INSR: variants seen among roughly 807,000 people sequenced by gnomAD.
INSR encodes the protein IR.
INSR carries 67 observed loss-of-function variants against 142.6 expected under a neutral mutation model. The observed-to-expected ratio is 0.47, with a 90% confidence interval of 0.39 to 0.58. The LOEUF (loss-of-function observed/expected upper bound fraction) is 0.58, where lower values mean the gene tolerates loss of function less well. INSR is among the 20% of genes least tolerant of loss of function. INSR has a pLI of 0.00. For missense variants in INSR, 1,248 were observed against 1,833.2 expected (o/e 0.68, Z 5.83); for synonymous variants, 756 against 743.1 (o/e 1.02, Z -0.28).
At chr19:7,250,586 G>A in intron 2 of INSR, among the ~76,000 whole-genome samples, 2 of 117,424 alleles carry the variant, frequency 1.7e-5, no homozygotes, top group South Asian at 3.3e-4. Context: ...AGGAGGGAGG[G>A]AAGGAAGGAA....
At chr19:7,220,362 C>T (rs1167270985) in intron 2 of INSR, among the ~76,000 whole-genome samples, 1 of 152,198 alleles carries the variant, frequency 6.6e-6, no homozygotes, top group Non-Finnish European at 1.5e-5. Flanking sequence ...GCGATCTTGG[C>T]TCACTGCAAC....
At chr19:7,135,959 C>T (rs1972912773) in intron 13 of INSR, among the ~76,000 whole-genome samples, 1 of 114,450 alleles carries the variant, frequency 8.7e-6, no homozygotes, top group African/African-American at 4.4e-5. Context: ...CAGAGATAGA[C>T]TCCATCTCAA....
At chr19:7,118,840 G>A (rs766752397) in intron 21 of INSR, among the ~76,000 whole-genome samples, 40 of 148,114 alleles carry the variant, frequency 2.7e-4, no homozygotes, top group Non-Finnish European at 4.6e-4. Flanking sequence ...GTGTGAACCC[G>A]GGAGGCGGAG....
At chr19:7,255,905 C>T (rs993063818) in intron 2 of INSR, among the ~76,000 whole-genome samples, 1 of 151,858 alleles carries the variant, frequency 6.6e-6, no homozygotes, top group African/African-American at 2.4e-5. Context: ...TGATCCTTGC[C>T]ACCCAAACCA....
chr19:7,137,336 G>C (rs973349824), intron 13 of INSR, among the ~76,000 whole-genome samples: 13 of 151,986 alleles, frequency 8.6e-5, no homozygotes, highest in African/African-American at 3.1e-4. Flanking sequence ...CACATGATTG[G>C]GCACTGGATG....
chr19:7,154,575 T>A (rs997288123), intron 9 of INSR, among the ~76,000 whole-genome samples: 2 of 150,032 alleles, frequency 1.3e-5, no homozygotes, highest in African/African-American at 4.9e-5. Flanking sequence ...GTGCTGGGAT[T>A]ACAGGCGTGA....
intron 2 of INSR, among the ~76,000 whole-genome samples, chr19:7,266,993 G>T (rs1310342388): frequency 6.6e-6 from 1 of 152,032 alleles, no homozygotes; most frequent in Non-Finnish European, 1.5e-5. Flanking sequence ...AGCACAGGCG[G>T]TGGCAAACTG....
At chr19:7,170,435 G>A (rs1379522059) in intron 6 of INSR, 102 bp downstream of exon 6, 37 of 829,700 alleles carry the variant, frequency 4.5e-5, no homozygotes. Flanking sequence ...TAATGCACTT[G>A]AATCATGCTG....
At chr19:7,231,200 G>A (rs534899550) in intron 2 of INSR, among the ~76,000 whole-genome samples, 1 of 152,216 alleles carries the variant, frequency 6.6e-6, no homozygotes, top group African/African-American at 2.4e-5. Flanking sequence ...TCAGCAAAGA[G>A]GGGGGAAGAA....
At chr19:7,213,603 G>T (rs147296323) in intron 2 of INSR, among the ~76,000 whole-genome samples, 6 of 152,164 alleles carry the variant, frequency 3.9e-5, no homozygotes, top group Admixed American at 3.9e-4. Flanking sequence ...GTGCATGAGC[G>T]CCTCTAATTG....
rs145575961 is a variant in INSR, at chr19:7,208,918, G to A, written c.653-24281C>T. 6.6e-5 allele frequency among the ~76,000 whole-genome samples: 10 copies of A among 152,240 alleles called. No individual in the cohort carries two copies. In the East Asian group the frequency reaches 7.7e-4, roughly 12 times the overall value. On this transcript the variant is annotated intron_variant, in intron 2 of 21. Transcript: ENST00000302850. ...CTCGAGAGGCAGAAGCAGGAGAATC[G>A]CTTGAACAGGGGAGTTGGAAGTTGC... is the stretch of plus-strand genomic sequence containing the variant.
intron 2 of INSR, among the ~76,000 whole-genome samples, chr19:7,220,096 A>C: frequency 6.6e-6 from 1 of 152,280 alleles, no homozygotes; most frequent in East Asian, 1.9e-4. Context: ...GAATAAAGGA[A>C]GCTGGCTCTG....
Position 7,267,880 on chromosome 19 carries a change from A to G in INSR, c.117T>C (p.Asp39=). The change falls in exon 2 of 22, where the codon GAT becomes GAC. Residue 39 remains aspartate (D), a synonymous_variant. Coordinates refer to ENST00000302850, the MANE Select transcript of INSR (RefSeq NM_000208.4). This position sits in a 1 kb window ranked among gnomAD's most constrained non-coding sequence, Gnocchi z 6.3. ...LYPGEVCPGM[D]IRNNLTRLHE... ...GCAACCTAGTGAGGTTGTTCCGGAT[A>G]TCCATGCCGGGACACACTACAAGAG... is the stretch of plus-strand genomic sequence containing the variant. 4 of 1,613,772 alleles carry G rather than the reference A, an allele frequency of 2.5e-6. No homozygotes were observed. The highest frequency in any genetic ancestry group is 3.4e-6 in the Non-Finnish European group (4 of 1,179,850).
Position 7,124,036 on chromosome 19 carries a change from A to G in INSR, c.3259-1047T>C, listed in dbSNP as rs573353865. Among the ~76,000 whole-genome samples, 4 of 151,754 alleles carry G rather than the reference A, an allele frequency of 2.6e-5. No individual in the cohort carries two copies. In the South Asian group the frequency reaches 8.3e-4, roughly 32 times the overall value. On this transcript the variant is annotated intron_variant, in intron 17 of 21. Coordinates refer to ENST00000302850, the MANE Select transcript of INSR (RefSeq NM_000208.4). ...GGAGATCGAGACCATCCTGGCTAAC[A>G]CAGTGAAACCCCGTCTCTACTGAAA...
At chr19:7,249,964 C>T (rs931122158) in intron 2 of INSR, among the ~76,000 whole-genome samples, 1 of 151,808 alleles carries the variant, frequency 6.6e-6, no homozygotes, top group African/African-American at 2.4e-5. Context: ...TGCACTCCAA[C>T]CTGGGCAACA....
intron 2 of INSR, among the ~76,000 whole-genome samples, chr19:7,260,939 G>A (rs1977041078): frequency 2.0e-5 from 3 of 151,550 alleles, no homozygotes; most frequent in Non-Finnish European, 1.5e-5. Context: ...CCAGGCTGGA[G>A]TGCAGTGGTG....
intron 2 of INSR, among the ~76,000 whole-genome samples, chr19:7,208,163 C>T (rs964869301): frequency 6.6e-6 from 1 of 152,072 alleles, no homozygotes; most frequent in African/African-American, 2.4e-5. Flanking sequence ...CCTCATGCCA[C>T]GTAACTATTC....
In INSR at chr19:7,216,108, A is replaced by C. The variant is rs1975425693; in HGVS notation, c.653-31471T>G. Among the ~76,000 whole-genome samples, 1 of 151,920 alleles carries C rather than the reference A, an allele frequency of 6.6e-6. No homozygotes were observed. The highest frequency in any genetic ancestry group is 6.6e-5 in the Admixed American group (1 of 15,266). On this transcript the variant is annotated intron_variant, in intron 2 of 21. Transcript: ENST00000302850. The surrounding 1 kb of genome is among the most constrained non-coding windows in gnomAD (Gnocchi z 4.2). ...GAGGCCAAGGTGAGTGGACCACCTGAGGTCAGGAGTTCTAGATCAGCCTGA... is the reference window on the plus strand; with the variant it reads ...GAGGCCAAGGTGAGTGGACCACCTGCGGTCAGGAGTTCTAGATCAGCCTGA...
intron 2 of INSR, among the ~76,000 whole-genome samples, chr19:7,233,737 A>G (rs545131720): frequency 1.6e-5 from 2 of 126,360 alleles, no homozygotes; most frequent in Non-Finnish European, 3.2e-5. Context: ...GTGCAGTGGC[A>G]CGATCTCCGC....
Sources: gnomAD v4.1 joint callset for allele counts (sites outside exome capture counted in the v4.1 genomes callset) on GRCh38, gnomAD v4.1.1 for gene constraint, Gnocchi (gnomAD v3.1) non-coding constraint, MANE v1.5 for transcripts, NCBI Gene and HGNC (gene_info 2026-07-23, HGNC 2026-07-21) for gene names.